PACS2: variants seen among roughly 807,000 people sequenced by gnomAD.
PACS2 encodes phosphofurin acidic cluster sorting protein 2.
In PACS2, 36 loss-of-function variants were observed where a neutral mutation model predicts 113.0. The ratio of observed to expected loss-of-function variants is 0.32; its 90% CI spans 0.24 to 0.42. The LOEUF (loss-of-function observed/expected upper bound fraction) is 0.42. Ranked by LOEUF, PACS2 falls within the 10% of genes least tolerant of loss-of-function variation. The pLI is 1.00. For synonymous variants in PACS2, 589 were observed against 536.1 expected, an observed-to-expected ratio of 1.10 and a Z score of -1.36; for missense variants, 1,015 against 1,239.5, an observed-to-expected ratio of 0.82 and a Z score of 2.72.
chr14:105,330,329 G>A lies in PACS2; in HGVS notation c.119+15292G>A, dbSNP rs1362760526. On this transcript the variant is annotated intron_variant, in intron 1 of 24. Transcript: ENST00000447393. The surrounding 1 kb of genome is among the most constrained non-coding windows in gnomAD (Gnocchi z 6.9). Reference sequence around the variant, plus strand: ...CTGGGGTCCGTGTGTGGGAAGGAACGGGGACAGGAGCCTCCAAGAAGCCTG... The same window carrying A: ...CTGGGGTCCGTGTGTGGGAAGGAACAGGGACAGGAGCCTCCAAGAAGCCTG... Among the ~76,000 whole-genome samples the A allele has an allele frequency of 6.6e-6, 1 of 150,508 alleles. No individual in the cohort carries two copies. The highest frequency in any genetic ancestry group is 2.0e-4 in the East Asian group (1 of 5,116).
In PACS2 at chr14:105,376,842, C is replaced by G. The variant is rs4074004; in HGVS notation, c.876C>G (p.Thr292=). Residue 292 remains threonine (T), a synonymous_variant, in exon 9 of 25, where the codon ACC becomes ACG. Transcript: ENST00000447393. This position sits in a 1 kb window ranked among gnomAD's most constrained non-coding sequence, Gnocchi z 4.7. The part of the protein sequence containing the change: ...AEEDLDLLYD[T]LDMEHPSDSG... ...AGGACCTGGACCTCCTGTATGACAC[C>G]CTGGACATGGAGCACCCCAGCGACA... 36,914 of 1,613,100 alleles carry G rather than the reference C, an allele frequency of 0.023. 6,840 individuals are homozygous for G. In the African/African-American group the frequency reaches 0.42, roughly 18 times the overall value.
chr14:105,308,644 A>G (rs996295276), intron 1 of PACS2, among the ~76,000 whole-genome samples: 1 of 151,700 alleles, frequency 6.6e-6, no homozygotes, highest in East Asian at 2.0e-4. Flanking sequence ...CACTGTGCCC[A>G]GCTAAGTTTT....
chr14:105,358,915 G>T lies in PACS2; in HGVS notation c.423+3738G>T, dbSNP rs1477783722. The stretch of plus-strand genomic sequence containing the variant: ...GCCACAGGCTGCTGATGACAGCCCA[G>T]TCAGGTGTGGGCTGCATATCAATGG... On this transcript the variant is annotated intron_variant, in intron 4 of 24. Transcript: ENST00000447393. This position sits in a 1 kb window ranked among gnomAD's most constrained non-coding sequence, Gnocchi z 4.9. Among the ~76,000 whole-genome samples the T allele has an allele frequency of 2.6e-5, 4 of 152,242 alleles. No individual in the cohort carries two copies. The highest frequency in any genetic ancestry group is 5.9e-5 in the Non-Finnish European group (4 of 68,034).
Position 105,369,913 on chromosome 14 carries a change from C to A in PACS2, c.801+13C>A. ...AGTGTCCGACGAGGTGAGTGCGCCG[C>A]GCCTTCTGCTCGCGGCCCCCACGCC... On this transcript the variant is annotated intron_variant, in intron 8 of 24. Coordinates refer to ENST00000447393, the MANE Select transcript of PACS2 (RefSeq NM_001100913.3). 6.3e-7 allele frequency: 1 copy of A among 1,596,540 alleles called. No individual in the cohort carries two copies.
rs147445354 is a variant in PACS2 at position 105,387,248 on chromosome 14, C to T, written c.2033+1531C>T. ...TGTGACGGGGGACCTGTGCAGAGCCCTCTCCAGCCAGGCTCCCCTGCGAGA... is the reference window on the plus strand; with the variant it reads ...TGTGACGGGGGACCTGTGCAGAGCCTTCTCCAGCCAGGCTCCCCTGCGAGA... On this transcript the variant is annotated intron_variant, in intron 19 of 24. Coordinates refer to ENST00000447393, the MANE Select transcript of PACS2 (RefSeq NM_001100913.3). Among the ~76,000 whole-genome samples the T allele has an allele frequency of 2.6e-4, 40 of 152,364 alleles. No individual in the cohort carries two copies. The East Asian group carries it at 7.7e-3, about 29-fold the overall frequency.
At chr14:105,341,353 C>T (rs1234209108) in intron 1 of PACS2, among the ~76,000 whole-genome samples, 1 of 152,224 alleles carries the variant, frequency 6.6e-6, no homozygotes, top group Non-Finnish European at 1.5e-5. Context: ...AAACAGATAA[C>T]ACTGTGGGTA....
At chr14:105,351,163 G>A (rs1555403912) in intron 2 of PACS2, among the ~76,000 whole-genome samples, 1 of 152,226 alleles carries the variant, frequency 6.6e-6, no homozygotes, top group African/African-American at 2.4e-5. Context: ...CCTTGTGCCT[G>A]GGACCCCGCA....
Position 105,324,213 on chromosome 14 carries a change from C to CG in PACS2, c.119+9182dup, listed in dbSNP as rs1031432330. ...GGCAGCTGCGGTGCTGTGGCGGGGT[C>CG]GGGGGGCTGCTGCAGAGAGCGGGTC... On this transcript the variant is annotated intron_variant, in intron 1 of 24. Coordinates refer to ENST00000447393, the MANE Select transcript of PACS2 (RefSeq NM_001100913.3). The surrounding 1 kb of genome is among the most constrained non-coding windows in gnomAD (Gnocchi z 4.7). Among the ~76,000 whole-genome samples the CG allele has an allele frequency of 3.3e-5, 5 of 152,042 alleles. No individual in the cohort carries two copies. Among genetic ancestry groups the CG allele is most frequent in the Non-Finnish European group, 7.4e-5 (5 of 68,000 alleles).
chr14:105,315,138 G>C lies in PACS2; in HGVS notation c.119+101G>C. 1 of 733,282 alleles carries C rather than the reference G, an allele frequency of 1.4e-6. No homozygotes were observed. The highest frequency in any genetic ancestry group is 1.7e-6 in the Non-Finnish European group (1 of 591,048). 45.4% of individuals were successfully genotyped at this position (733,282 alleles called of 1,614,324 possible). On this transcript the variant is annotated intron_variant, in intron 1 of 24. Coordinates refer to ENST00000447393, the MANE Select transcript of PACS2 (RefSeq NM_001100913.3). The surrounding 1 kb of genome is among the most constrained non-coding windows in gnomAD (Gnocchi z 4.4). The stretch of plus-strand genomic sequence containing the variant: ...CATCCCCGGCCCGGGTCCCCCAGCG[G>C]AGCCCAGGTCGCCCCCCGCGCCCCC...
chr14:105,384,320 C>T (rs587743419), intron 16 of PACS2, 33 bp from the exon 17 acceptor site: 52 of 1,320,034 alleles, frequency 3.9e-5, no homozygotes, highest in East Asian at 9.2e-5. Context: ...CCGAGTCCCC[C>T]GTGGTGACAC....
In PACS2 at chr14:105,397,485, C is replaced by A. The variant is rs1477814844; in HGVS notation, c.*2813C>A. 2 of 152,310 alleles carry A rather than the reference C, an allele frequency of 1.3e-5. No individual in the cohort carries two copies. The highest frequency in any genetic ancestry group is 2.9e-5 in the Non-Finnish European group (2 of 68,112). The allele number at this position is 152,310 out of a possible 1,614,324, so 9.4% of individuals were successfully genotyped here. A position where few individuals can be genotyped will look rare whatever the true frequency, so the allele number is the denominator to read the frequency against. On this transcript the variant is annotated 3_prime_UTR_variant, in exon 25 of 25. Transcript: ENST00000447393. ...TAAGCCACCAGTCACCACCGAGGCA[C>A]CCCTCAGGCCTGGTGGCCACTGTCC...
upstream of PACS2, among the ~76,000 whole-genome samples, chr14:105,312,814 G>A (rs587764649): frequency 6.6e-6 from 1 of 152,344 alleles, no homozygotes; most frequent in Admixed American, 6.5e-5. Flanking sequence ...CATAAACGTG[G>A]TCGCAGGCGT....
In PACS2 at chr14:105,381,940, G is replaced by A; in HGVS notation, c.1295G>A (p.Arg432Gln). ...TRSEGKQAGRRGRSTSLKERQ... is the reference protein window; with the variant it reads ...TRSEGKQAGRQGRSTSLKERQ... ...TCCGAGGGGAAGCAGGCTGGCCGACGGGGCCGGAGCACATCCTTGAAGGAG... is the reference window on the plus strand; with the variant it reads ...TCCGAGGGGAAGCAGGCTGGCCGACAGGGCCGGAGCACATCCTTGAAGGAG... The change falls in exon 13 of 25, where the codon CGG becomes CAG. Residue 432 changes from arginine to glutamine, a missense_variant. Around this residue, in one of 3 missense-constraint regions of PACS2, gnomAD observed 859 missense variants for 1,056.8 expected, o/e 0.81. Coordinates refer to ENST00000447393, the MANE Select transcript of PACS2 (RefSeq NM_001100913.3). 4 of 1,550,764 alleles carry A rather than the reference G, an allele frequency of 2.6e-6. No homozygotes were observed. Among genetic ancestry groups the A allele is most frequent in the Non-Finnish European group, 3.5e-6 (4 of 1,147,056 alleles).
intron 4 of PACS2, among the ~76,000 whole-genome samples, chr14:105,359,591 T>C (rs1206013945): frequency 6.7e-4 from 96 of 143,990 alleles, no homozygotes; most frequent in South Asian, 4.7e-3. Flanking sequence ...TTCTTTCTTT[T>C]TTTTTTTTTT....
At position 105,354,910 on chromosome 14, in the gene PACS2, G is replaced by T; in HGVS notation, c.298-142G>T. 1.4e-6 allele frequency: 1 copy of T among 705,704 alleles called. No individual in the cohort carries two copies. Among genetic ancestry groups the T allele is most frequent in the Non-Finnish European group, 2.4e-6 (1 of 425,140 alleles). The allele number at this position is 705,704 out of a possible 1,614,324, so 43.7% of individuals were successfully genotyped here. On this transcript the variant is annotated intron_variant, in intron 3 of 24. Transcript: ENST00000447393. This position sits in a 1 kb window ranked among gnomAD's most constrained non-coding sequence, Gnocchi z 4.2. ...GCATGCCACTGGGATGAACTTGGGG[G>T]CCCGTCTGTGGGTGCCCTTCCGATC...
chr14:105,382,757 G>A, intron 14 of PACS2, 50 bp from the exon 15 acceptor site: 2 of 1,205,384 alleles, frequency 1.7e-6, no homozygotes, highest in Non-Finnish European at 2.4e-6. Context: ...AGGTGCTGGG[G>A]GTGGCCTGGG....
intron 1 of PACS2, among the ~76,000 whole-genome samples, chr14:105,325,170 G>T (rs1232628204): frequency 7.9e-6 from 1 of 126,028 alleles, no homozygotes; most frequent in South Asian, 2.2e-4. Context: ...GTGGTGGGAC[G>T]GGGGGGGGCT....
intron 1 of PACS2, among the ~76,000 whole-genome samples, chr14:105,305,233 T>G (rs2058152605): frequency 6.6e-6 from 1 of 152,042 alleles, no homozygotes; most frequent in African/African-American, 2.4e-5. Flanking sequence ...AAACCCTGAC[T>G]CTACAAAAAC....
chr14:105,383,836 G>A (rs2081079407), intron 16 of PACS2: 4 of 369,562 alleles, frequency 1.1e-5, no homozygotes, highest in African/African-American at 6.3e-5. Context: ...CAGTCGCTGT[G>A]ATAACTCTAT....
Sources: allele counts gnomAD v4.1 joint callset (sites outside exome capture counted in the v4.1 genomes callset), GRCh38; gene constraint gnomAD v4.1.1; regional missense constraint gnomAD v4.1.1; non-coding constraint Gnocchi (gnomAD v3.1); transcripts MANE v1.5; gene names NCBI Gene and HGNC (gene_info 2026-07-23, HGNC 2026-07-21).